SOX5: variants seen among roughly 807,000 people sequenced by gnomAD.
SOX5 encodes transcription factor SOX-5.
Under a neutral mutation model 92.0 loss-of-function variants are expected in SOX5, and 9 were observed. That is an observed-to-expected ratio of 0.10 (90% CI 0.06 to 0.17). The LOEUF is 0.17. Ranked by LOEUF, SOX5 falls within the 10% of genes least tolerant of loss-of-function variation. SOX5 has a pLI of 1.00. For synonymous variants in SOX5, 344 were observed against 336.3 expected (o/e 1.02, Z -0.25); for missense variants, 642 against 944.5 (o/e 0.68, Z 4.20).
chr12:23,763,995 A>T (rs1255095139), intron 3 of SOX5, among the ~76,000 whole-genome samples: 1 of 152,084 alleles, frequency 6.6e-6, no homozygotes, highest in Non-Finnish European at 1.5e-5. Flanking sequence ...GGATTCAAAT[A>T]ATTTATGATG....
In SOX5 at chr12:23,531,907, G is replaced by T. The variant is rs1939166246; in HGVS notation, c.*2312C>A. The T allele has an allele frequency of 6.7e-6, 1 of 149,166 alleles. No individual in the cohort carries two copies. Among genetic ancestry groups the T allele is most frequent in the Non-Finnish European group, 1.5e-5 (1 of 67,488 alleles). The allele number at this position is 149,166 out of a possible 1,614,324, so 9.2% of individuals were successfully genotyped here. ...AAATTGTGGGTAAATGTGTGTGTGT[G>T]TGTGTATATGTGTGTATATATATGT... On this transcript the variant is annotated 3_prime_UTR_variant, in exon 15 of 15. Coordinates refer to ENST00000451604, the MANE Select transcript of SOX5 (RefSeq NM_006940.6).
At chr12:23,919,235 A>C (rs2097454632) in intron 1 of SOX5, among the ~76,000 whole-genome samples, 1 of 152,198 alleles carries the variant, frequency 6.6e-6, no homozygotes, top group Non-Finnish European at 1.5e-5. Context: ...TTTGCAGGTG[A>C]AATTGGTAGT....
chr12:23,591,749 G>A (rs147674956), intron 9 of SOX5, among the ~76,000 whole-genome samples: 1 of 152,210 alleles, frequency 6.6e-6, no homozygotes, highest in East Asian at 1.9e-4. Context: ...CAGAAGAGTT[G>A]CATAGAGAAG....
At chr12:23,887,777 A>T (rs1208398254) in intron 2 of SOX5, among the ~76,000 whole-genome samples, 2 of 151,992 alleles carry the variant, frequency 1.3e-5, no homozygotes, top group Non-Finnish European at 2.9e-5. Flanking sequence ...TTTGTGGTCA[A>T]TTTTTTTCCC....
chr12:24,233,479 G>A (rs1011461117), intron 3 of SOX5, among the ~76,000 whole-genome samples: 2 of 152,150 alleles, frequency 1.3e-5, no homozygotes, highest in African/African-American at 4.8e-5. Context: ...CAGAATTGAG[G>A]ATCAAAGAAT....
chr12:24,102,235 A>T (rs917978372), intron 4 of SOX5, among the ~76,000 whole-genome samples: 3 of 152,136 alleles, frequency 2.0e-5, no homozygotes, highest in Non-Finnish European at 2.9e-5. Context: ...TTAACAGCTC[A>T]TTGACTAGAG....
chr12:24,485,721 T>C (rs939175829), intron 1 of SOX5, among the ~76,000 whole-genome samples: 18 of 152,168 alleles, frequency 1.2e-4, no homozygotes, highest in Non-Finnish European at 2.2e-4. Context: ...AGGCCTATAA[T>C]ATGATTAAAA....
intron 8 of SOX5, among the ~76,000 whole-genome samples, chr12:23,615,634 G>C (rs1245046117): frequency 6.6e-6 from 1 of 152,070 alleles, no homozygotes; most frequent in Non-Finnish European, 1.5e-5. Flanking sequence ...GTTTGCTAAC[G>C]ATAATGGCCT....
chr12:23,611,060 G>T (rs1029582535), intron 8 of SOX5, among the ~76,000 whole-genome samples: 1 of 152,038 alleles, frequency 6.6e-6, no homozygotes, highest in Admixed American at 6.6e-5. Context: ...GTTGCTGGTA[G>T]GTATAAGCTG....
chr12:23,831,453 G>A (rs1047380780), intron 3 of SOX5, among the ~76,000 whole-genome samples: 7 of 152,172 alleles, frequency 4.6e-5, no homozygotes, highest in South Asian at 2.1e-4. Flanking sequence ...GTAGGACAGA[G>A]AGGGACGGAT....
At position 24,116,439 on chromosome 12, in the gene SOX5, A is replaced by G. The variant is rs1330923529; in HGVS notation, c.-2+96904T>C. On this transcript the variant is annotated intron_variant, in intron 4 of 4. Coordinates refer to the SOX5 transcript ENST00000446891. ...AAAATATCTCAAGGCAGATTTTTGT[A>G]AAAACTTAATGTTATATGCAAATAT... Among the ~76,000 whole-genome samples the G allele has an allele frequency of 9.8e-5, 15 of 152,292 alleles. No individual in the cohort carries two copies. The East Asian group carries it at 2.9e-3, about 29-fold the overall frequency.
rs534401251 is a variant in SOX5, at chr12:23,533,729, TGAAAG to T, written c.*485_*489del. 434 of 150,334 alleles carry T rather than the reference TGAAAG, an allele frequency of 2.9e-3. 1 individual carries two copies. Among genetic ancestry groups the T allele is most frequent in the Admixed American group, 4.0e-3 (61 of 15,080 alleles). 9.3% of individuals were successfully genotyped at this position (150,334 alleles called of 1,614,324 possible). On this transcript the variant is annotated 3_prime_UTR_variant, in exon 15 of 15. Coordinates refer to ENST00000451604, the MANE Select transcript of SOX5 (RefSeq NM_006940.6). ...TCAGGTGCATTACAAAGAAAAAAAA[TGAAAG>T]GAAAGAAAAAGAAAAGGAAAAAACC...
chr12:23,949,166 A>G (rs1158550862), intron 1 of SOX5, among the ~76,000 whole-genome samples: 2 of 152,162 alleles, frequency 1.3e-5, no homozygotes, highest in Non-Finnish European at 2.9e-5. Context: ...CACCCTAGAA[A>G]TTACATGAGA....
At chr12:23,894,279 G>C (rs1044155923) in intron 2 of SOX5, among the ~76,000 whole-genome samples, 1 of 152,094 alleles carries the variant, frequency 6.6e-6, no homozygotes, top group African/African-American at 2.4e-5. Context: ...CCAGGCTCGA[G>C]TGTAGTGGTG....
chr12:23,704,088 ATAAT>A (rs1264828659), intron 6 of SOX5, among the ~76,000 whole-genome samples: 2 of 151,950 alleles, frequency 1.3e-5, no homozygotes, highest in Non-Finnish European at 1.5e-5. Context: ...TTTCCATAAC[ATAAT>A]TAATTATCAT....
At chr12:24,457,187 T>C (rs1943112857) in intron 1 of SOX5, among the ~76,000 whole-genome samples, 1 of 152,208 alleles carries the variant, frequency 6.6e-6, no homozygotes, top group Non-Finnish European at 1.5e-5. Context: ...TACCAGCATA[T>C]GAATATCATC....
chr12:24,008,952 C>A (rs935290712), intron 4 of SOX5, among the ~76,000 whole-genome samples: 1 of 152,180 alleles, frequency 6.6e-6, no homozygotes, highest in African/African-American at 2.4e-5. Context: ...CAGCTTTTAC[C>A]AATGTCTTCT....
intron 4 of SOX5, among the ~76,000 whole-genome samples, chr12:24,162,120 T>A (rs1014706317): frequency 9.9e-5 from 15 of 151,480 alleles, no homozygotes; most frequent in Admixed American, 2.6e-4. Context: ...GGTCACTGAA[T>A]TTTTTTTTGA....
At chr12:24,194,472 T>A (rs1040917347) in intron 4 of SOX5, among the ~76,000 whole-genome samples, 5 of 152,124 alleles carry the variant, frequency 3.3e-5, no homozygotes, top group African/African-American at 1.2e-4. Context: ...TATGTGTGTG[T>A]GTAAAAACTG....
Sources: allele counts gnomAD v4.1 joint callset (sites outside exome capture counted in the v4.1 genomes callset), GRCh38; gene constraint gnomAD v4.1.1; transcripts MANE v1.5; gene names NCBI Gene and HGNC (gene_info 2026-07-23, HGNC 2026-07-21).